SECISBP2: variants seen among roughly 807,000 people sequenced by gnomAD.
SECISBP2 encodes the protein selenocysteine insertion sequence-binding protein 2.
A neutral mutation model predicts 98.2 loss-of-function variants in SECISBP2; 96 were observed. The observed-to-expected ratio is 0.98, with a 90% CI of 0.83 to 1.16. The LOEUF is 1.16. SECISBP2 is among the 50% of genes most tolerant of loss of function. The probability of loss-of-function intolerance (pLI) is 0.00; values close to 1 mark genes in which losing one functional copy is unlikely to be tolerated. For synonymous variants in SECISBP2, 407 were observed against 370.2 expected (o/e 1.10, Z -1.14); for missense variants, 1,046 against 1,022.9 (o/e 1.02, Z -0.31).
rs763371538 is a variant in SECISBP2 at position 89,334,719 on chromosome 9, C to A, written c.1078C>A (p.Pro360Thr). The change falls in exon 7 of 17, where the codon CCT (proline) becomes ACT (threonine). Residue 360 changes from proline (P) to threonine (T), a missense_variant. Transcript: ENST00000375807. ...CAACAAAGAAAAACACATTATTCAT[C>A]CTACCCAAAAGGTACGTGTCACTAG... is the stretch of plus-strand genomic sequence containing the variant. ...SYNKEKHIIHPTQKSKASQGS... is the reference protein window; with the variant it reads ...SYNKEKHIIHTTQKSKASQGS... 2.5e-6 allele frequency: 4 copies of A among 1,612,478 alleles called. No homozygotes were observed. The highest frequency in any genetic ancestry group is 1.1e-5 in the South Asian group (1 of 91,040).
chr9:89,326,928 C>G (rs775392920), intron 4 of SECISBP2, among the ~76,000 whole-genome samples: 1 of 152,080 alleles, frequency 6.6e-6, no homozygotes, highest in Non-Finnish European at 1.5e-5. Context: ...TTTGGGAGTC[C>G]GAGACGGGCG....
intron 14 of SECISBP2, among the ~76,000 whole-genome samples, chr9:89,354,186 T>G (rs1380708800): frequency 2.0e-5 from 3 of 152,178 alleles, no homozygotes; most frequent in Non-Finnish European, 2.9e-5. Flanking sequence ...GGGTTGGAGG[T>G]TGTTTGAGCA....
downstream of SECISBP2, chr9:89,363,387 C>T (rs755355289): frequency 2.4e-5 from 39 of 1,602,740 alleles, no homozygotes; most frequent in Non-Finnish European, 3.2e-5. Flanking sequence ...TGCCCTGCCC[C>T]TGGCTCCAGC....
intron 5 of SECISBP2, among the ~76,000 whole-genome samples, chr9:89,331,151 T>G (rs1297133894): frequency 6.6e-6 from 1 of 152,186 alleles, no homozygotes; most frequent in Non-Finnish European, 1.5e-5. Context: ...TTAAAAATAG[T>G]CTATTGTGGG....
intron 2 of SECISBP2, 53 bp from the exon 3 acceptor site, chr9:89,325,374 C>G: frequency 6.4e-7 from 1 of 1,560,906 alleles, no homozygotes; most frequent in South Asian, 1.1e-5. Context: ...TACAGAAAAG[C>G]TTCTTGGTTT....
chr9:89,336,678 A>G (rs1012630657), intron 7 of SECISBP2, among the ~76,000 whole-genome samples: 2 of 148,078 alleles, frequency 1.4e-5, no homozygotes, highest in Non-Finnish European at 3.0e-5. Context: ...GCACACACTG[A>G]ACTTGACTCT....
chr9:89,325,294 A>T (rs1826498799), intron 2 of SECISBP2, 133 bp from the exon 3 acceptor site: 5 of 798,036 alleles, frequency 6.3e-6, no homozygotes, highest in Non-Finnish European at 7.9e-6. Flanking sequence ...TTGGCTTTTA[A>T]TTAGGGATTA....
chr9:89,358,172 AAAAG>A lies in SECISBP2; in HGVS notation c.2445_2448del (p.Glu816SerfsTer22), dbSNP rs1313587018. 1.2e-6 allele frequency: 2 copies of A among 1,613,218 alleles called. No individual in the cohort carries two copies. The highest frequency in any genetic ancestry group is 3.3e-5 in the Admixed American group (2 of 59,878). ...AAGATGGCCCCCCAGCCCTGAAAGAAAAAGAAGAGCCACACTACAGTGAGTGCTT... is the reference window on the plus strand; with the variant it reads ...AAGATGGCCCCCCAGCCCTGAAAGAAAAGAGCCACACTACAGTGAGTGCTT... On this transcript the variant is annotated frameshift_variant, in exon 16 of 17. Coordinates refer to ENST00000375807, the MANE Select transcript of SECISBP2 (RefSeq NM_024077.5). LOFTEE classifies it high-confidence loss of function.
In SECISBP2 at chr9:89,328,087, A is replaced by G. The variant is rs887964196; in HGVS notation, c.575-573A>G. Among the ~76,000 whole-genome samples, 4 of 152,224 alleles carry G rather than the reference A, an allele frequency of 2.6e-5. No homozygotes were observed. The South Asian group carries it at 8.3e-4, about 32-fold the overall frequency. ...AAGTGCTGGGATTAAGGCGTGAGCC[A>G]CCTTGCCCTGGCCAAATTTTTCTTT... On this transcript the variant is annotated intron_variant, in intron 4 of 16. Coordinates refer to ENST00000375807, the MANE Select transcript of SECISBP2 (RefSeq NM_024077.5).
At chr9:89,347,159 A>G (rs1206565262) in intron 11 of SECISBP2, 111 bp downstream of exon 11, 1 of 1,119,488 alleles carries the variant, frequency 8.9e-7, no homozygotes, top group East Asian at 2.5e-5. Context: ...TATTACTTGA[A>G]TATGTTGTAG....
intron 7 of SECISBP2, among the ~76,000 whole-genome samples, chr9:89,335,724 T>C (rs1160769711): frequency 6.6e-6 from 1 of 152,204 alleles, no homozygotes; most frequent in Admixed American, 6.5e-5. Flanking sequence ...TACTTACACT[T>C]TGAATAAAAA....
intron 2 of SECISBP2, among the ~76,000 whole-genome samples, chr9:89,321,661 C>A (rs577418029): frequency 1.3e-5 from 2 of 150,072 alleles, no homozygotes; most frequent in South Asian, 2.1e-4. Context: ...ACAAGACTCT[C>A]TCTCAAAAAA....
chr9:89,342,460 A>T (rs1192123737), intron 10 of SECISBP2, among the ~76,000 whole-genome samples: 1 of 152,232 alleles, frequency 6.6e-6, no homozygotes. Flanking sequence ...ACAGACTTAG[A>T]CACTTTTACA....
chr9:89,322,948 T>C (rs1826064478), intron 2 of SECISBP2: 2 of 152,316 alleles, frequency 1.3e-5, no homozygotes, highest in South Asian at 4.1e-4. Context: ...TAATCACTCC[T>C]AAATTTTGGA....
chr9:89,363,746 C>T, downstream of SECISBP2: 1 of 1,612,168 alleles, frequency 6.2e-7, no homozygotes, highest in Non-Finnish European at 8.5e-7. Flanking sequence ...CTTACCAGGT[C>T]TCATCACAGC....
chr9:89,332,881 A>G (rs1827988769), intron 5 of SECISBP2, 27 bp from the exon 6 acceptor site: 2 of 1,564,886 alleles, frequency 1.3e-6, no homozygotes, highest in South Asian at 2.2e-5. Context: ...CATTTCTCTG[A>G]TGACATCTAA....
chr9:89,340,099 C>G (rs1829432363), intron 9 of SECISBP2, 146 bp downstream of exon 9: 2 of 637,852 alleles, frequency 3.1e-6, no homozygotes, highest in African/African-American at 3.7e-5. Flanking sequence ...GAACTGCACC[C>G]AGCATGTTGA....
chr9:89,363,264 A>AT (rs375197670), downstream of SECISBP2, among the ~76,000 whole-genome samples: 17 of 143,784 alleles, frequency 1.2e-4, no homozygotes, highest in South Asian at 3.8e-3. Context: ...AAGACGTGGG[A>AT]TTTCCCCCCC....
Position 89,347,344 on chromosome 9 carries a change from T to G in SECISBP2, c.1602+296T>G, listed in dbSNP as rs149163583. On this transcript the variant is annotated intron_variant, in intron 11 of 16. Coordinates refer to ENST00000375807, the MANE Select transcript of SECISBP2 (RefSeq NM_024077.5). Reference sequence around the variant, plus strand: ...AGAAATGGGAGGAGTTGCATTTTTCTTCTTCTTATGATCCCCCTTCATCCT... The same window carrying G: ...AGAAATGGGAGGAGTTGCATTTTTCGTCTTCTTATGATCCCCCTTCATCCT... 4.0e-3 allele frequency among the ~76,000 whole-genome samples: 612 copies of G among 152,308 alleles called. 6 individuals carry two copies. Among genetic ancestry groups the G allele is most frequent in the African/African-American group, 0.014 (562 of 41,562 alleles).
Sources: gnomAD v4.1 joint callset for allele counts (sites outside exome capture counted in the v4.1 genomes callset) on GRCh38, gnomAD v4.1.1 for gene constraint, MANE v1.5 for transcripts, NCBI Gene and HGNC (gene_info 2026-07-23, HGNC 2026-07-21) for gene names.